DAOA: variants seen among roughly 807,000 people sequenced by gnomAD.
DAOA encodes D-amino acid oxidase regulator.
Under a neutral mutation model 16.4 loss-of-function variants are expected in DAOA, and 15 were observed. The ratio of observed to expected loss-of-function variants is 0.91; its 90% CI spans 0.61 to 1.41. The LOEUF (loss-of-function observed/expected upper bound fraction) is 1.41. Ranked by LOEUF, DAOA falls within the 40% of genes most tolerant of loss-of-function variation. The pLI, the probability that DAOA is intolerant of heterozygous loss-of-function variation, is 0.00. For missense variants in DAOA, 230 were observed against 176.8 expected (o/e 1.30, Z -1.71); for synonymous variants, 75 against 59.1 (o/e 1.27, Z -1.23).
intron 2 of DAOA, 121 bp from the exon 3 acceptor site, chr13:105,466,932 T>C: frequency 2.4e-6 from 3 of 1,270,752 alleles, no homozygotes; most frequent in African/African-American, 1.5e-5. Context: ...ATAGTTAAGA[T>C]TAAAAATATG....
intron 3 of DAOA, among the ~76,000 whole-genome samples, chr13:105,472,117 G>A (rs1876997620): frequency 6.6e-6 from 1 of 152,194 alleles, no homozygotes; most frequent in Admixed American, 6.5e-5. Context: ...AGTCACACAG[G>A]GAAGGGACGA....
chr13:105,479,935 A>G (rs1877594473), intron 4 of DAOA, among the ~76,000 whole-genome samples: 1 of 152,210 alleles, frequency 6.6e-6, no homozygotes, highest in Non-Finnish European at 1.5e-5. Context: ...GTTGGAGTCA[A>G]GATGCTCAGA....
At chr13:105,479,322 T>G (rs2139188689) in intron 4 of DAOA, among the ~76,000 whole-genome samples, 1 of 152,352 alleles carries the variant, frequency 6.6e-6, no homozygotes, top group East Asian at 1.9e-4. Context: ...TTGTCTGTGA[T>G]CTATATTTCC....
chr13:105,480,810 C>A (rs1327791946), intron 4 of DAOA, among the ~76,000 whole-genome samples: 1 of 152,106 alleles, frequency 6.6e-6, no homozygotes, highest in Non-Finnish European at 1.5e-5. Flanking sequence ...TAAGTTCCAG[C>A]CCTAAGAAGG....
intron 3 of DAOA, among the ~76,000 whole-genome samples, chr13:105,468,116 C>T (rs923201011): frequency 3.9e-5 from 6 of 152,094 alleles, no homozygotes; most frequent in Non-Finnish European, 8.8e-5. Context: ...CCAGCATCCC[C>T]CTCTCTAAGC....
At chr13:105,483,130 C>T (rs1877866577) in intron 4 of DAOA, among the ~76,000 whole-genome samples, 1 of 152,026 alleles carries the variant, frequency 6.6e-6, no homozygotes, top group South Asian at 2.1e-4. Flanking sequence ...AAGGTATAAA[C>T]AGGATGGCAC....
chr13:105,488,566 T>C (rs1194262457), intron 4 of DAOA, among the ~76,000 whole-genome samples: 1 of 152,198 alleles, frequency 6.6e-6, no homozygotes, highest in East Asian at 1.9e-4. Flanking sequence ...TATTTCAAAA[T>C]ATTCCACTAC....
intron 4 of DAOA, among the ~76,000 whole-genome samples, chr13:105,480,319 T>A (rs1208965229): frequency 6.6e-6 from 1 of 152,106 alleles, no homozygotes; most frequent in Admixed American, 6.6e-5. Flanking sequence ...ATACAATATT[T>A]TACCTTTTCT....
At chr13:105,473,054 A>T (rs971865984) in intron 4 of DAOA, among the ~76,000 whole-genome samples, 4 of 152,028 alleles carry the variant, frequency 2.6e-5, no homozygotes, top group African/African-American at 9.7e-5. Context: ...TCTCTTTAGA[A>T]CCTCAAGGCT....
chr13:105,485,063 G>C (rs1321166450), intron 4 of DAOA, among the ~76,000 whole-genome samples: 1 of 152,060 alleles, frequency 6.6e-6, no homozygotes, highest in Non-Finnish European at 1.5e-5. Flanking sequence ...GTCTGAAATA[G>C]TCCACATTGT....
intron 4 of DAOA, among the ~76,000 whole-genome samples, chr13:105,478,595 T>C (rs961709469): frequency 1.3e-5 from 2 of 152,178 alleles, no homozygotes; most frequent in African/African-American, 4.8e-5. Context: ...GTTGCCTACA[T>C]TTAGACTAGA....
At chr13:105,478,630 G>A (rs1877504977) in intron 4 of DAOA, among the ~76,000 whole-genome samples, 1 of 152,142 alleles carries the variant, frequency 6.6e-6, no homozygotes, top group Admixed American at 6.6e-5. Context: ...TTCCATGGAA[G>A]GGTAGTGTGA....
intron 4 of DAOA, among the ~76,000 whole-genome samples, chr13:105,482,010 G>A (rs79671665): frequency 0.037 from 5,637 of 152,152 alleles, 136 homozygotes; most frequent in South Asian, 0.063. Flanking sequence ...AAGAGCAAAG[G>A]GACTTATATG....
chr13:105,475,703 G>T (rs1490224443), intron 4 of DAOA, among the ~76,000 whole-genome samples: 1 of 152,110 alleles, frequency 6.6e-6, no homozygotes, highest in East Asian at 1.9e-4. Flanking sequence ...GAAACAATTA[G>T]AAATAATCTG....
intron 4 of DAOA, among the ~76,000 whole-genome samples, chr13:105,481,980 A>G (rs1877776816): frequency 6.6e-6 from 1 of 152,202 alleles, no homozygotes; most frequent in Non-Finnish European, 1.5e-5. Flanking sequence ...AGGCCTTACA[A>G]TTATGGCAGA....
At chr13:105,470,877 G>A (rs1254364460) in intron 3 of DAOA, among the ~76,000 whole-genome samples, 4 of 151,982 alleles carry the variant, frequency 2.6e-5, no homozygotes, top group East Asian at 1.9e-4. Context: ...TGCAAGCTCC[G>A]CCTCCCGGGT....
chr13:105,487,621 A>G (rs1353039939), intron 4 of DAOA, among the ~76,000 whole-genome samples: 1 of 151,884 alleles, frequency 6.6e-6, no homozygotes, highest in Non-Finnish European at 1.5e-5. Context: ...CAAGAAAATA[A>G]TCTAATGCTA....
At chr13:105,467,006 G>A (rs757059463) in intron 2 of DAOA, 47 bp from the exon 3 acceptor site, 12 of 1,579,928 alleles carry the variant, frequency 7.6e-6, no homozygotes, top group South Asian at 1.2e-5. Context: ...CTCTTCTGCA[G>A]GGTATAAAGG....
chr13:105,473,207 A>G (rs1289420516), intron 4 of DAOA, among the ~76,000 whole-genome samples: 2 of 151,936 alleles, frequency 1.3e-5, no homozygotes, highest in African/African-American at 4.8e-5. Context: ...TAAATATAAA[A>G]CACTTAAAAC....
Sources: gnomAD v4.1 joint callset for allele counts (sites outside exome capture counted in the v4.1 genomes callset) on GRCh38, gnomAD v4.1.1 for gene constraint, MANE v1.5 for transcripts, NCBI Gene and HGNC (gene_info 2026-07-23, HGNC 2026-07-21) for gene names.